The following VAV3 variants were observed in gnomAD, a reference collection of about 807,000 sequenced individuals.
The protein encoded by VAV3 is guanine nucleotide exchange factor VAV3.
A neutral mutation model predicts 131.2 loss-of-function variants in VAV3; 94 were observed. The observed-to-expected ratio is 0.72, with a 90% CI of 0.61 to 0.85. VAV3 has a LOEUF of 0.85. Among genes scored for constraint, VAV3 ranks in the 40% least tolerant of loss-of-function variants. The pLI, the probability that VAV3 is intolerant of heterozygous loss-of-function variation, is 0.00. For missense variants in VAV3, 939 were observed against 1,002.7 expected, an observed-to-expected ratio of 0.94 and a Z score of 0.86; for synonymous variants, 349 against 342.0, an observed-to-expected ratio of 1.02 and a Z score of -0.22.
At chr1:107,665,415 T>A (rs1446098335) in intron 19 of VAV3, among the ~76,000 whole-genome samples, 1 of 152,182 alleles carries the variant, frequency 6.6e-6, no homozygotes, top group Non-Finnish European at 1.5e-5. Context: ...TGATAAAATA[T>A]CCTTCCCCAC....
At chr1:107,594,375 T>C (rs1651203973) in intron 25 of VAV3, among the ~76,000 whole-genome samples, 1 of 152,100 alleles carries the variant, frequency 6.6e-6, no homozygotes, top group South Asian at 2.1e-4. Context: ...GAATGAATAA[T>C]TGATGAACAA....
chr1:107,575,814 C>T (rs1414822327), intron 25 of VAV3, among the ~76,000 whole-genome samples: 4 of 152,066 alleles, frequency 2.6e-5, no homozygotes, highest in Non-Finnish European at 5.9e-5. Flanking sequence ...TTTTAAAAAT[C>T]GGTCAGAAAA....
At chr1:107,742,981 G>A (rs889703875) in intron 15 of VAV3, among the ~76,000 whole-genome samples, 2 of 152,178 alleles carry the variant, frequency 1.3e-5, no homozygotes, top group Admixed American at 6.5e-5. Context: ...GCTACTCAAA[G>A]AACAGGAGGA....
At chr1:107,758,265 C>T (rs1570907820) in intron 10 of VAV3, among the ~76,000 whole-genome samples, 3 of 152,084 alleles carry the variant, frequency 2.0e-5, no homozygotes, top group South Asian at 4.1e-4. Context: ...CAGATCCTCA[C>T]GTTTTTCAAA....
chr1:107,791,658 A>C (rs1209950146), intron 2 of VAV3, among the ~76,000 whole-genome samples: 1 of 152,162 alleles, frequency 6.6e-6, no homozygotes, highest in Non-Finnish European at 1.5e-5. Flanking sequence ...TAGCATGAGA[A>C]TTTTTTTAAA....
intron 15 of VAV3, among the ~76,000 whole-genome samples, chr1:107,743,098 G>GA (rs939560591): frequency 6.6e-6 from 1 of 152,152 alleles, no homozygotes; most frequent in African/African-American, 2.4e-5. Context: ...CAAGCACAGG[G>GA]AAAACTGATA....
intron 24 of VAV3, among the ~76,000 whole-genome samples, chr1:107,597,477 T>C (rs923982254): frequency 1.3e-5 from 2 of 152,226 alleles, no homozygotes; most frequent in Non-Finnish European, 1.5e-5. Context: ...CCTCCTGCCA[T>C]TGAGGAATTC....
At chr1:107,666,792 A>T (rs1210547254) in intron 19 of VAV3, among the ~76,000 whole-genome samples, 1 of 152,060 alleles carries the variant, frequency 6.6e-6, no homozygotes, top group Admixed American at 6.6e-5. Flanking sequence ...AGTATATATT[A>T]ACTCGTTTAA....
chr1:107,596,013 T>C (rs1570581069), intron 25 of VAV3, among the ~76,000 whole-genome samples, 199 bp downstream of exon 25: 2 of 152,188 alleles, frequency 1.3e-5, no homozygotes, highest in South Asian at 4.1e-4. Flanking sequence ...ATTTTTAATT[T>C]GCCATAAAGA....
intron 2 of VAV3, among the ~76,000 whole-genome samples, chr1:107,787,076 C>CT (rs1278263986): frequency 1.3e-5 from 2 of 152,126 alleles, no homozygotes; most frequent in African/African-American, 4.8e-5. Context: ...CATTTATGGA[C>CT]TTTCCAGATT....
chr1:107,768,264 A>C (rs1664844716), intron 7 of VAV3, among the ~76,000 whole-genome samples, 177 bp downstream of exon 7: 2 of 152,212 alleles, frequency 1.3e-5, no homozygotes. Flanking sequence ...AAGATATGAT[A>C]CATCAGTTAT....
Position 107,801,354 on chromosome 1 carries a change from T to C in VAV3, c.322-21862A>G, listed in dbSNP as rs190523617. On this transcript the variant is annotated intron_variant, in intron 2 of 26. Coordinates refer to ENST00000370056, the MANE Select transcript of VAV3 (RefSeq NM_006113.5). ...TTTCTATTTCTGTGAAGAATATCAC[T>C]GATATTTTGATAAGGACTGCATTGA... Among the ~76,000 whole-genome samples the C allele has an allele frequency of 1.2e-4, 19 of 152,296 alleles. No homozygotes were observed. In the East Asian group the frequency reaches 2.1e-3, roughly 17 times the overall value.
chr1:107,664,338 T>TCTCC (rs55964845), intron 19 of VAV3, among the ~76,000 whole-genome samples: 92,496 of 150,300 alleles, frequency 0.62, 29,363 homozygotes, highest in African/African-American at 0.78. Context: ...TTCCTGATGC[T>TCTCC]CTCCCTCCCC....
chr1:107,576,333 A>C, intron 25 of VAV3: 2 of 1,412,778 alleles, frequency 1.4e-6, no homozygotes, highest in Non-Finnish European at 1.9e-6. Flanking sequence ...TGGAACTCAA[A>C]TATTTTATTT....
chr1:107,835,545 T>C (rs1428392764), intron 2 of VAV3, among the ~76,000 whole-genome samples: 1 of 152,198 alleles, frequency 6.6e-6, no homozygotes, highest in Non-Finnish European at 1.5e-5. Flanking sequence ...ATCTGCTAGC[T>C]GCAGCCTCTG....
chr1:107,791,384 C>A (rs1371963913), intron 2 of VAV3, among the ~76,000 whole-genome samples: 12 of 145,658 alleles, frequency 8.2e-5, no homozygotes, highest in African/African-American at 1.0e-4. Context: ...TTGGTGATAT[C>A]AAAAAAAAAA....
At chr1:107,894,198 T>C (rs1344003774) in intron 1 of VAV3, among the ~76,000 whole-genome samples, 2 of 152,224 alleles carry the variant, frequency 1.3e-5, no homozygotes, top group Non-Finnish European at 2.9e-5. Context: ...TTCCAAATAA[T>C]GGTATATGTT....
At chr1:107,820,398 GA>G (rs1399349358) in intron 2 of VAV3, among the ~76,000 whole-genome samples, 1 of 152,098 alleles carries the variant, frequency 6.6e-6, no homozygotes, top group Admixed American at 6.6e-5. Context: ...TCATCTGTGG[GA>G]GCTAAAAATT....
chr1:107,785,643 C>T (rs1402998729), intron 2 of VAV3: 1 of 1,124,166 alleles, frequency 8.9e-7, no homozygotes, highest in African/African-American at 1.7e-5. Flanking sequence ...AGCAAGTGCC[C>T]TGTGGGGTTG....
Sources: allele counts gnomAD v4.1 joint callset (sites outside exome capture counted in the v4.1 genomes callset), GRCh38; gene constraint gnomAD v4.1.1; transcripts MANE v1.5; gene names NCBI Gene and HGNC (gene_info 2026-07-23, HGNC 2026-07-21).